Variants in WWOX observed in about 807,000 individuals in gnomAD.
WWOX encodes WW domain containing oxidoreductase.
WWOX carries 69 observed loss-of-function variants against 46.2 expected under a neutral mutation model. That is an observed-to-expected ratio of 1.49 (90% confidence interval 1.23 to 1.82). The LOEUF (loss-of-function observed/expected upper bound fraction) is 1.82, where lower values mean the gene tolerates loss of function less well. Among genes scored for constraint, WWOX ranks in the 40% most tolerant of loss-of-function variants. The pLI is 0.00. For missense variants in WWOX, 919 were observed against 542.6 expected, an observed-to-expected ratio of 1.69 and a Z score of -6.89; for synonymous variants, 359 against 202.6, an observed-to-expected ratio of 1.77 and a Z score of -6.56.
chr16:78,171,326 C>G (rs371796847), intron 5 of WWOX, among the ~76,000 whole-genome samples: 1 of 152,186 alleles, frequency 6.6e-6, no homozygotes, highest in Non-Finnish European at 1.5e-5. Flanking sequence ...TACTTTTAGG[C>G]TCCTTAAAAT....
At chr16:78,466,070 T>G (rs991624514) in intron 8 of WWOX, among the ~76,000 whole-genome samples, 7 of 152,010 alleles carry the variant, frequency 4.6e-5, no homozygotes, top group African/African-American at 1.7e-4. Flanking sequence ...CTTGCTCTGT[T>G]GCCCAGGCTG....
At chr16:79,052,352 C>G (rs2048184386) in intron 8 of WWOX, among the ~76,000 whole-genome samples, 1 of 152,272 alleles carries the variant, frequency 6.6e-6, no homozygotes, top group East Asian at 1.9e-4. Flanking sequence ...ATCCATGTCC[C>G]TACAAAGGAC....
intron 8 of WWOX, among the ~76,000 whole-genome samples, chr16:79,145,117 A>T (rs1050622636): frequency 6.6e-5 from 10 of 152,176 alleles, no homozygotes; most frequent in African/African-American, 2.4e-4. Context: ...TTGAAAGGGT[A>T]TTAATCCATT....
At chr16:78,926,290 C>G (rs368115502) in intron 8 of WWOX, among the ~76,000 whole-genome samples, 34 of 151,996 alleles carry the variant, frequency 2.2e-4, no homozygotes, top group African/African-American at 7.7e-4. Flanking sequence ...GGAGGATATC[C>G]TGAGCCCAGG....
intron 8 of WWOX, among the ~76,000 whole-genome samples, chr16:79,075,343 A>G (rs777972571): frequency 3.3e-5 from 5 of 152,212 alleles, no homozygotes; most frequent in Non-Finnish European, 7.3e-5. Flanking sequence ...GGAAGGGAAA[A>G]AAAATCACTT....
intron 8 of WWOX, among the ~76,000 whole-genome samples, chr16:78,860,019 C>G (rs1026736684): frequency 6.6e-6 from 1 of 152,040 alleles, no homozygotes; most frequent in South Asian, 2.1e-4. Context: ...AGCATTTTCA[C>G]GAGTAAACTT....
intron 8 of WWOX, among the ~76,000 whole-genome samples, chr16:79,195,927 G>A (rs1597465050): frequency 6.6e-6 from 1 of 152,164 alleles, no homozygotes; most frequent in Non-Finnish European, 1.5e-5. Context: ...TTCCTCTCAA[G>A]TGGGAAAAAT....
At chr16:78,569,526 G>A (rs1282000956) in intron 8 of WWOX, among the ~76,000 whole-genome samples, 3 of 152,174 alleles carry the variant, frequency 2.0e-5, no homozygotes, top group African/African-American at 7.2e-5. Flanking sequence ...GCTCCTTTTT[G>A]TACATATATG....
Position 78,355,259 on chromosome 16 carries a change from T to TA in WWOX, c.517-31592dup, listed in dbSNP as rs34714331. On this transcript the variant is annotated intron_variant, in intron 5 of 8. Transcript: ENST00000566780. ...TCCTGTGTGTGTGTGTGTCTGTATA[T>TA]AAAAAAAAAGTATGTATACATATAC... Among the ~76,000 whole-genome samples the TA allele has an allele frequency of 1.8e-4, 27 of 151,632 alleles. No individual in the cohort carries two copies. The East Asian group carries it at 2.2e-3, about 12-fold the overall frequency.
intron 5 of WWOX, among the ~76,000 whole-genome samples, chr16:78,213,679 A>G (rs576219441): frequency 1.3e-5 from 2 of 152,274 alleles, no homozygotes; most frequent in East Asian, 3.9e-4. Context: ...AAAAGATGAC[A>G]TTGGGGACCA....
intron 8 of WWOX, among the ~76,000 whole-genome samples, chr16:78,499,243 C>T (rs1005756089): frequency 4.6e-5 from 7 of 151,726 alleles, no homozygotes; most frequent in East Asian, 2.0e-4. Context: ...GGTGAGGGGG[C>T]GGAGGTGGTG....
chr16:78,658,644 C>T (rs1322033382), intron 8 of WWOX, among the ~76,000 whole-genome samples: 5 of 152,184 alleles, frequency 3.3e-5, no homozygotes, highest in African/African-American at 7.2e-5. Flanking sequence ...ACCCCAGTCT[C>T]CGCCTCCGCC....
At chr16:78,417,541 G>A (rs1283962983) in intron 6 of WWOX, among the ~76,000 whole-genome samples, 4 of 152,110 alleles carry the variant, frequency 2.6e-5, no homozygotes, top group Admixed American at 2.6e-4. Context: ...TAATAGCCCT[G>A]GAAAAGTGAG....
chr16:79,062,199 G>A (rs2048368501), intron 8 of WWOX, among the ~76,000 whole-genome samples: 1 of 152,218 alleles, frequency 6.6e-6, no homozygotes, highest in Non-Finnish European at 1.5e-5. Flanking sequence ...GAGAGGGAAA[G>A]CGAGGAAGAA....
At chr16:78,663,524 C>G (rs1024963044) in intron 8 of WWOX, among the ~76,000 whole-genome samples, 4 of 152,092 alleles carry the variant, frequency 2.6e-5, no homozygotes, top group Non-Finnish European at 1.5e-5. Context: ...TAAGCGTTGC[C>G]ACAGGTTGCT....
In WWOX at chr16:78,429,237, A is replaced by C. The variant is rs7206086; in HGVS notation, c.792-3251A>C. On this transcript the variant is annotated intron_variant, in intron 7 of 8. Coordinates refer to ENST00000566780, the MANE Select transcript of WWOX (RefSeq NM_016373.4). Reference sequence around the variant, plus strand: ...CAGAGGAGCAATGTACAGATAGAACAGAAGGATGGCACAGTGAGCCTTTTC... The same window carrying C: ...CAGAGGAGCAATGTACAGATAGAACCGAAGGATGGCACAGTGAGCCTTTTC... Among the ~76,000 whole-genome samples, 830 of 152,346 alleles carry C rather than the reference A, an allele frequency of 5.4e-3. 8 individuals are homozygous for C. The highest frequency in any genetic ancestry group is 0.019 in the African/African-American group (796 of 41,582).
intron 8 of WWOX, among the ~76,000 whole-genome samples, chr16:78,853,761 A>C (rs1409295340): frequency 1.3e-5 from 2 of 152,068 alleles, no homozygotes; most frequent in Admixed American, 6.6e-5. Context: ...ATGTATCTAC[A>C]TCCCAGGGAG....
At chr16:78,616,323 A>G (rs2046023948) in intron 8 of WWOX, among the ~76,000 whole-genome samples, 1 of 152,140 alleles carries the variant, frequency 6.6e-6, no homozygotes, top group Non-Finnish European at 1.5e-5. Context: ...ACGGAAATGT[A>G]TTTCTCACAA....
chr16:79,056,635 C>T (rs1054901770), intron 8 of WWOX, among the ~76,000 whole-genome samples: 1 of 152,150 alleles, frequency 6.6e-6, no homozygotes, highest in East Asian at 1.9e-4. Context: ...CAGTAGCATC[C>T]CTTCCCCCTC....
Sources: allele counts gnomAD v4.1 joint callset (sites outside exome capture counted in the v4.1 genomes callset), GRCh38; gene constraint gnomAD v4.1.1; transcripts MANE v1.5; gene names NCBI Gene and HGNC (gene_info 2026-07-23, HGNC 2026-07-21).